GALNT7: variants seen among roughly 807,000 people sequenced by gnomAD.
GALNT7 encodes the protein N-acetylgalactosaminyltransferase 7.
Under a neutral mutation model 82.1 loss-of-function variants are expected in GALNT7, and 60 were observed. That is an observed-to-expected ratio of 0.73 (90% CI 0.59 to 0.91). The LOEUF is 0.91. GALNT7 is among the 40% of genes least tolerant of loss of function. GALNT7 has a pLI of 0.00. For synonymous variants in GALNT7, 243 were observed against 275.1 expected (o/e 0.88, Z 1.15); for missense variants, 660 against 804.2 (o/e 0.82, Z 2.17).
At chr4:173,244,773 A>G (rs976573812) in intron 1 of GALNT7, among the ~76,000 whole-genome samples, 1 of 152,160 alleles carries the variant, frequency 6.6e-6, no homozygotes, top group African/African-American at 2.4e-5. Context: ...TGGAGGCTCT[A>G]CACAGGTGAT....
intron 1 of GALNT7, among the ~76,000 whole-genome samples, chr4:173,190,088 T>A (rs59098468): frequency 0.041 from 6,242 of 152,152 alleles, 318 homozygotes; most frequent in African/African-American, 0.12. Flanking sequence ...CCATGCCCCT[T>A]CTCTCTTGTT....
At chr4:173,170,141 A>C (rs1334163214) in intron 1 of GALNT7, among the ~76,000 whole-genome samples, 1 of 151,994 alleles carries the variant, frequency 6.6e-6, no homozygotes, top group African/African-American at 2.4e-5. Flanking sequence ...TTCCCCCCGG[A>C]TGAACCGTTG....
intron 1 of GALNT7, among the ~76,000 whole-genome samples, chr4:173,198,320 G>C (rs1732842621): frequency 6.6e-6 from 1 of 150,790 alleles, no homozygotes; most frequent in Admixed American, 6.6e-5. Flanking sequence ...CGCCTGCCTC[G>C]GTCTCCCAAG....
chr4:173,193,115 G>A (rs1271676333), intron 1 of GALNT7, among the ~76,000 whole-genome samples: 1 of 152,198 alleles, frequency 6.6e-6, no homozygotes, highest in East Asian at 1.9e-4. Context: ...AAAGAAAGAT[G>A]ATATGGACAG....
intron 1 of GALNT7, among the ~76,000 whole-genome samples, chr4:173,203,921 A>C (rs761081866): frequency 1.3e-5 from 2 of 152,222 alleles, no homozygotes; most frequent in African/African-American, 2.4e-5. Flanking sequence ...TACTTTTACC[A>C]GTAAGTTTTA....
At chr4:173,293,667 G>A (rs1330168600) in intron 3 of GALNT7, among the ~76,000 whole-genome samples, 1 of 152,198 alleles carries the variant, frequency 6.6e-6, no homozygotes, top group Non-Finnish European at 1.5e-5. Flanking sequence ...ACATACGTGT[G>A]CATCAGCTAA....
At chr4:173,282,231 T>C (rs1248698289) in intron 2 of GALNT7, among the ~76,000 whole-genome samples, 4 of 152,194 alleles carry the variant, frequency 2.6e-5, no homozygotes, top group Non-Finnish European at 4.4e-5. Flanking sequence ...TGTATAACTG[T>C]GGGTTTGTTT....
intron 1 of GALNT7, among the ~76,000 whole-genome samples, chr4:173,181,379 T>C (rs781273504): frequency 6.6e-6 from 1 of 152,268 alleles, no homozygotes; most frequent in East Asian, 1.9e-4. Flanking sequence ...TAGTGATCAG[T>C]GAAAATAAAT....
chr4:173,179,708 C>A (rs1284850440), intron 1 of GALNT7, among the ~76,000 whole-genome samples: 1 of 152,160 alleles, frequency 6.6e-6, no homozygotes, highest in Admixed American at 6.5e-5. Flanking sequence ...GAAGTGATAT[C>A]ATGACAACAT....
chr4:173,263,215 T>C (rs773237451), intron 2 of GALNT7, among the ~76,000 whole-genome samples: 4 of 152,198 alleles, frequency 2.6e-5, no homozygotes, highest in Non-Finnish European at 5.9e-5. Flanking sequence ...CTGCTATAGA[T>C]TTTAGAATGA....
At chr4:173,254,775 G>T (rs1450891823) in intron 2 of GALNT7, among the ~76,000 whole-genome samples, 1 of 152,110 alleles carries the variant, frequency 6.6e-6, no homozygotes, top group Non-Finnish European at 1.5e-5. Flanking sequence ...GGCAATTTTA[G>T]GTCTAATGTT....
intron 1 of GALNT7, among the ~76,000 whole-genome samples, chr4:173,199,892 G>A (rs978362253): frequency 3.9e-5 from 6 of 152,146 alleles, no homozygotes; most frequent in African/African-American, 1.2e-4. Flanking sequence ...TTATCATAAC[G>A]ATGACCCTAC....
intron 1 of GALNT7, among the ~76,000 whole-genome samples, chr4:173,182,925 T>TATACACACACAC (rs1732301631): frequency 7.5e-6 from 1 of 134,198 alleles, no homozygotes; most frequent in Non-Finnish European, 1.6e-5. Flanking sequence ...TTACTCATAA[T>TATACACACACAC]ACACACACAC....
intron 1 of GALNT7, among the ~76,000 whole-genome samples, chr4:173,187,845 C>T (rs1337929182): frequency 1.3e-5 from 2 of 152,138 alleles, no homozygotes; most frequent in Non-Finnish European, 2.9e-5. Context: ...TTTCTCTTTT[C>T]TTTCTCCTGA....
intron 1 of GALNT7, among the ~76,000 whole-genome samples, chr4:173,221,141 C>T (rs1733631871): frequency 6.6e-6 from 1 of 151,826 alleles, no homozygotes; most frequent in Non-Finnish European, 1.5e-5. Context: ...GTTCCTATTT[C>T]TCCACATCCT....
intron 2 of GALNT7, among the ~76,000 whole-genome samples, chr4:173,280,946 A>T (rs1013236629): frequency 1.3e-5 from 2 of 152,210 alleles, no homozygotes; most frequent in Non-Finnish European, 2.9e-5. Flanking sequence ...CTTCAGGTTG[A>T]CGGTGGCAAA....
intron 1 of GALNT7, among the ~76,000 whole-genome samples, chr4:173,232,949 T>A (rs933270493): frequency 6.6e-6 from 1 of 152,194 alleles, no homozygotes; most frequent in African/African-American, 2.4e-5. Context: ...CTCGGTGAGA[T>A]CCACTTTTTT....
At position 173,302,778 on chromosome 4, in the gene GALNT7, T is replaced by C. The variant is rs1178151148; in HGVS notation, c.1266+614T>C. On this transcript the variant is annotated intron_variant, in intron 7 of 11. Coordinates refer to ENST00000265000, the MANE Select transcript of GALNT7 (RefSeq NM_017423.3). This position sits in a 1 kb window ranked among gnomAD's most constrained non-coding sequence, Gnocchi z 4.2. ...TCATTACCTCTTGTCTTAAATGTCC[T>C]GTGCGTAGCACTGTGAGGGATAGAA... Among the ~76,000 whole-genome samples, 1 of 152,278 alleles carries C rather than the reference T, an allele frequency of 6.6e-6. No homozygotes were observed. Among genetic ancestry groups the C allele is most frequent in the Non-Finnish European group, 1.5e-5 (1 of 68,056 alleles).
intron 1 of GALNT7, among the ~76,000 whole-genome samples, chr4:173,218,911 G>T (rs562788368): frequency 6.6e-6 from 1 of 152,020 alleles, no homozygotes; most frequent in Non-Finnish European, 1.5e-5. Context: ...ATGAGTCATG[G>T]TCTCTCCCCT....
Sources: allele counts gnomAD v4.1 joint callset (sites outside exome capture counted in the v4.1 genomes callset), GRCh38; gene constraint gnomAD v4.1.1; non-coding constraint Gnocchi (gnomAD v3.1); transcripts MANE v1.5; gene names NCBI Gene and HGNC (gene_info 2026-07-23, HGNC 2026-07-21).